Variants in SLCO3A1 observed in about 807,000 individuals in gnomAD.
SLCO3A1 encodes the protein PGE1 transporter.
SLCO3A1 carries 27 observed loss-of-function variants against 63.1 expected under a neutral mutation model. The observed-to-expected ratio is 0.43, with a 90% CI of 0.32 to 0.59. The LOEUF (loss-of-function observed/expected upper bound fraction) is 0.59. Among genes scored for constraint, SLCO3A1 ranks in the 20% least tolerant of loss-of-function variants. SLCO3A1 has a pLI of 0.09. For missense variants in SLCO3A1, 773 were observed against 945.8 expected (o/e 0.82, Z 2.40); for synonymous variants, 473 against 409.9 (o/e 1.15, Z -1.86).
intron 2 of SLCO3A1, among the ~76,000 whole-genome samples, chr15:92,053,980 A>G (rs1473580995): frequency 6.6e-6 from 1 of 152,050 alleles, no homozygotes; most frequent in Non-Finnish European, 1.5e-5. Context: ...ACATCTACAT[A>G]AATTATTTGG....
chr15:91,926,790 C>T (rs573987483), intron 2 of SLCO3A1, among the ~76,000 whole-genome samples: 6 of 152,106 alleles, frequency 3.9e-5, no homozygotes, highest in East Asian at 3.9e-4. Flanking sequence ...ATGTGCCTTG[C>T]GGGAGTCGGG....
At chr15:91,993,488 C>T (rs888054560) in intron 2 of SLCO3A1, among the ~76,000 whole-genome samples, 7 of 152,180 alleles carry the variant, frequency 4.6e-5, no homozygotes, top group Non-Finnish European at 7.3e-5. Context: ...AAAGGAGAGC[C>T]AAATGGAACT....
chr15:92,098,905 T>A (rs774208334), intron 3 of SLCO3A1, among the ~76,000 whole-genome samples: 8 of 152,150 alleles, frequency 5.3e-5, no homozygotes, highest in Non-Finnish European at 1.2e-4. Context: ...ATACTTATAA[T>A]AAGAAATCCG....
intron 1 of SLCO3A1, among the ~76,000 whole-genome samples, chr15:91,884,924 A>G (rs1266379399): frequency 1.3e-5 from 2 of 151,938 alleles, no homozygotes; most frequent in Non-Finnish European, 2.9e-5. Flanking sequence ...GTCAGTGTCT[A>G]TCCTAAAAAC....
intron 2 of SLCO3A1, among the ~76,000 whole-genome samples, chr15:91,964,677 G>C (rs972753048): frequency 1.3e-5 from 2 of 152,156 alleles, no homozygotes; most frequent in Non-Finnish European, 2.9e-5. Flanking sequence ...TAGAGAAAGA[G>C]AGTTGAGCAG....
intron 1 of SLCO3A1, among the ~76,000 whole-genome samples, chr15:91,901,062 C>CT (rs1165413855): frequency 3.3e-5 from 5 of 151,870 alleles, no homozygotes; most frequent in African/African-American, 7.3e-5. Context: ...TATGTCTCAT[C>CT]TTTTTTTTGT....
At chr15:92,114,131 C>T (rs1057412921) in intron 4 of SLCO3A1, among the ~76,000 whole-genome samples, 2 of 152,154 alleles carry the variant, frequency 1.3e-5, no homozygotes, top group Non-Finnish European at 1.5e-5. Context: ...CATGTAATGG[C>T]AGGGAACTGA....
chr15:92,063,603 T>A (rs1337648466), intron 2 of SLCO3A1, among the ~76,000 whole-genome samples: 2 of 152,212 alleles, frequency 1.3e-5, no homozygotes, highest in African/African-American at 2.4e-5. Flanking sequence ...CTCATACCTG[T>A]AATCCCAGCA....
At chr15:92,094,620 G>A (rs1187400191) in intron 2 of SLCO3A1, among the ~76,000 whole-genome samples, 1 of 152,216 alleles carries the variant, frequency 6.6e-6, no homozygotes, top group East Asian at 1.9e-4. Context: ...TATGTTTGAT[G>A]TGGGGTGAAG....
intron 2 of SLCO3A1, among the ~76,000 whole-genome samples, chr15:92,088,545 T>C (rs1640006151): frequency 4.6e-5 from 7 of 152,226 alleles, no homozygotes. Context: ...AAATTTGTTA[T>C]CTTACGCTTC....
intron 1 of SLCO3A1, among the ~76,000 whole-genome samples, chr15:91,884,827 CTGCATATTTTCATA>C (rs1897683614): frequency 6.6e-6 from 1 of 151,914 alleles, no homozygotes; most frequent in African/African-American, 2.4e-5. Flanking sequence ...AGGCCCCATG[CTGCATATTTTCATA>C]TATTATCTCA....
chr15:92,100,954 T>G (rs1046947984), intron 3 of SLCO3A1, among the ~76,000 whole-genome samples: 1 of 152,182 alleles, frequency 6.6e-6, no homozygotes, highest in Non-Finnish European at 1.5e-5. Context: ...GTCCCCTTGC[T>G]CACATTTCAC....
chr15:91,960,514 C>T (rs1900406180), intron 2 of SLCO3A1, among the ~76,000 whole-genome samples: 1 of 152,166 alleles, frequency 6.6e-6, no homozygotes, highest in African/African-American at 2.4e-5. Context: ...TCCGGGATGC[C>T]TTCTCTCTGT....
chr15:91,990,051 A>G (rs2046106549), intron 2 of SLCO3A1, among the ~76,000 whole-genome samples: 1 of 152,230 alleles, frequency 6.6e-6, no homozygotes, highest in Non-Finnish European at 1.5e-5. Context: ...TGCATTGCTT[A>G]CCACTTCTAT....
intron 9 of SLCO3A1, among the ~76,000 whole-genome samples, chr15:92,159,681 C>T (rs900206887): frequency 2.0e-5 from 3 of 151,168 alleles, no homozygotes; most frequent in South Asian, 2.1e-4. Context: ...ATCCTCCCAT[C>T]GGCCTCCTGA....
intron 2 of SLCO3A1, among the ~76,000 whole-genome samples, chr15:92,019,808 G>A (rs1418456470): frequency 6.6e-6 from 1 of 152,188 alleles, no homozygotes; most frequent in Non-Finnish European, 1.5e-5. Context: ...CCACTTGTGG[G>A]GTGGCTCCTT....
intron 2 of SLCO3A1, among the ~76,000 whole-genome samples, chr15:91,971,475 G>A (rs1202017010): frequency 6.7e-6 from 1 of 148,544 alleles, no homozygotes; most frequent in Non-Finnish European, 1.5e-5. Flanking sequence ...TTGTCTATTT[G>A]ATGTCATATT....
chr15:91,854,201 G>C lies in SLCO3A1; in HGVS notation c.180+113G>C. ...GCTGGGGGCAGGCGGGCATGACCTCGGCCCGGCGTGGAGGTTGGCGAGTGG... is the reference window on the plus strand; with the variant it reads ...GCTGGGGGCAGGCGGGCATGACCTCCGCCCGGCGTGGAGGTTGGCGAGTGG... On this transcript the variant is annotated intron_variant, in intron 1 of 9. Coordinates refer to ENST00000318445, the MANE Select transcript of SLCO3A1 (RefSeq NM_013272.4). The surrounding 1 kb of genome is among the most constrained non-coding windows in gnomAD (Gnocchi z 6.4). 8.7e-7 allele frequency: 1 copy of C among 1,155,952 alleles called. No individual in the cohort carries two copies. Among genetic ancestry groups the C allele is most frequent in the Non-Finnish European group, 1.1e-6 (1 of 902,796 alleles). The allele number at this position is 1,155,952 out of a possible 1,614,324, so 71.6% of individuals were successfully genotyped here.
At chr15:91,880,403 C>CTGTGTGTATGTGTG (rs1324272484) in intron 1 of SLCO3A1, among the ~76,000 whole-genome samples, 1 of 140,576 alleles carries the variant, frequency 7.1e-6, no homozygotes, top group Admixed American at 7.1e-5. Context: ...CTCTCTCTCT[C>CTGTGTGTATGTGTG]TCTCTCTGTG....
Sources: gnomAD v4.1 joint callset for allele counts (sites outside exome capture counted in the v4.1 genomes callset) on GRCh38, gnomAD v4.1.1 for gene constraint, Gnocchi (gnomAD v3.1) non-coding constraint, MANE v1.5 for transcripts, NCBI Gene and HGNC (gene_info 2026-07-23, HGNC 2026-07-21) for gene names.